Variants in DNAAF5 observed in about 807,000 individuals in gnomAD.
DNAAF5 encodes the protein dynein axonemal assembly factor 5, also known as HEAT repeat containing 2.
DNAAF5 carries 64 observed loss-of-function variants against 75.8 expected under a neutral mutation model. The observed-to-expected ratio is 0.84, with a 90% confidence interval of 0.69 to 1.04. The LOEUF is 1.04. Among genes scored for constraint, DNAAF5 ranks in the 50% least tolerant of loss-of-function variants. DNAAF5 has a pLI of 0.00. For synonymous variants in DNAAF5, 657 were observed against 557.2 expected, an observed-to-expected ratio of 1.18 and a Z score of -2.52; for missense variants, 1,269 against 1,178.5, an observed-to-expected ratio of 1.08 and a Z score of -1.12.
At chr7:785,046 C>G (rs913436826) in intron 12 of DNAAF5, among the ~76,000 whole-genome samples, 1 of 152,142 alleles carries the variant, frequency 6.6e-6, no homozygotes, top group Non-Finnish European at 1.5e-5. Flanking sequence ...AGAGTGTCAG[C>G]TTACTTATAT....
chr7:771,529 T>A (rs961601980), intron 9 of DNAAF5: 1 of 152,262 alleles, frequency 6.6e-6, no homozygotes, highest in Non-Finnish European at 1.5e-5. Flanking sequence ...CTCAGACTTT[T>A]CTCCTTCATG....
intron 2 of DNAAF5, chr7:732,504 A>G: frequency 2.2e-6 from 1 of 455,882 alleles, no homozygotes; most frequent in South Asian, 1.6e-5. Flanking sequence ...TGAGGCCACC[A>G]GGCCTGTTCT....
Position 740,848 on chromosome 7 carries a change from C to A in DNAAF5, c.810C>A (p.Gly270=). ...QVRRAVASVV[G]GWLLCLRDRY... Reference sequence around the variant, plus strand: ...GGCGGGCGGTGGCCTCCGTGGTGGGCGGCTGGCTGCTGTGTCTGCGTGACC... The same window carrying A: ...GGCGGGCGGTGGCCTCCGTGGTGGGAGGCTGGCTGCTGTGTCTGCGTGACC... Residue 270 remains glycine, a synonymous_variant, in exon 3 of 13, where the codon GGC becomes GGA. Coordinates refer to ENST00000297440, the MANE Select transcript of DNAAF5 (RefSeq NM_017802.4). The A allele has an allele frequency of 6.2e-7, 1 of 1,613,980 alleles. No individual in the cohort carries two copies. The highest frequency in any genetic ancestry group is 8.5e-7 in the Non-Finnish European group (1 of 1,180,034).
At chr7:767,591 G>A (rs1247628239) in intron 8 of DNAAF5, among the ~76,000 whole-genome samples, 2 of 152,226 alleles carry the variant, frequency 1.3e-5, no homozygotes, top group Non-Finnish European at 1.5e-5. Context: ...ATTATCCTAA[G>A]CCTTTATAGC....
In DNAAF5 at chr7:754,066, G is replaced by A. The variant is rs935038739; in HGVS notation, c.1025-523G>A. Among the ~76,000 whole-genome samples, 2 of 144,730 alleles carry A rather than the reference G, an allele frequency of 1.4e-5. No homozygotes were observed. The highest frequency in any genetic ancestry group is 3.0e-5 in the Non-Finnish European group (2 of 65,644). The allele number at this position is 144,730 out of a possible 152,430, so 94.9% of individuals were successfully genotyped here. A position where few individuals can be genotyped will look rare whatever the true frequency, so the allele number is the denominator to read the frequency against. ...CATATGGCGATGGCTTCGCAGGCGT[G>A]TGTCTCTCTGATCATAGGGGGACGG... is the stretch of plus-strand genomic sequence containing the variant. On this transcript the variant is annotated intron_variant, in intron 4 of 12. Coordinates refer to ENST00000297440, the MANE Select transcript of DNAAF5 (RefSeq NM_017802.4). The surrounding 1 kb of genome is among the most constrained non-coding windows in gnomAD (Gnocchi z 4.8).
Position 769,145 on chromosome 7 carries a change from C to G in DNAAF5, c.1784-1326C>G, listed in dbSNP as rs745882435. On this transcript the variant is annotated intron_variant, in intron 8 of 12. Coordinates refer to ENST00000297440, the MANE Select transcript of DNAAF5 (RefSeq NM_017802.4). ...TCAGTCCACTACCGAGCAGCCTGCT[C>G]TGATGACTGGCGGCGCCAGGGAGAA... is the stretch of plus-strand genomic sequence containing the variant. 4.3e-4 allele frequency: 333 copies of G among 771,844 alleles called. 2 individuals are homozygous for G. Among genetic ancestry groups the G allele is most frequent in the Admixed American group, 7.4e-4 (43 of 58,458 alleles). 47.8% of individuals were successfully genotyped at this position (771,844 alleles called of 1,614,324 possible). A position where few individuals can be genotyped will look rare whatever the true frequency, so the allele number is the denominator to read the frequency against.
At chr7:755,985 A>G (rs1782468006) in intron 5 of DNAAF5, among the ~76,000 whole-genome samples, 1 of 117,948 alleles carries the variant, frequency 8.5e-6, no homozygotes, top group Non-Finnish European at 1.8e-5. Flanking sequence ...GTGGAATCCC[A>G]CAGTGCAGAG....
rs748404959 is a variant in DNAAF5, at chr7:754,795, G to A, written c.1231G>A (p.Asp411Asn). 97 of 1,606,986 alleles carry A rather than the reference G, an allele frequency of 6.0e-5. 2 individuals carry two copies. Among genetic ancestry groups the A allele is most frequent in the South Asian group, 1.9e-4 (17 of 90,876 alleles). Residue 411 changes from aspartate (D) to asparagine (N), a missense_variant, in exon 5 of 13, where the codon GAC becomes AAC. Asp to Asn is a conservative substitution (Grantham distance 23, BLOSUM62 1). Transcript: ENST00000297440. This position sits in a 1 kb window ranked among gnomAD's most constrained non-coding sequence, Gnocchi z 4.8. ...CCGGACCCTGTTCCAGGCCTGCACC[G>A]ACGAGGAGGCAGCCGTGGTCCAAAG... ...VLRTLFQACT[D>N]EEAAVVQSCT... is the part of the protein sequence containing the mutation.
At chr7:731,831 G>T (rs998690482) in intron 2 of DNAAF5, among the ~76,000 whole-genome samples, 1 of 152,072 alleles carries the variant, frequency 6.6e-6, no homozygotes. Flanking sequence ...CGTGAGTTTC[G>T]TGTGGAGTCA....
chr7:783,724 C>A (rs1300701229), intron 12 of DNAAF5, among the ~76,000 whole-genome samples: 3 of 152,214 alleles, frequency 2.0e-5, no homozygotes, highest in African/African-American at 7.2e-5. Context: ...CCCCCAGCTC[C>A]CCACACTCCC....
At chr7:731,426 C>G (rs887930423) in intron 2 of DNAAF5, among the ~76,000 whole-genome samples, 5 of 152,196 alleles carry the variant, frequency 3.3e-5, no homozygotes, top group African/African-American at 1.2e-4. Flanking sequence ...CTCAGTATAA[C>G]TATACCGTAA....
chr7:748,451 A>C (rs945361249), intron 4 of DNAAF5, among the ~76,000 whole-genome samples: 2 of 152,158 alleles, frequency 1.3e-5, no homozygotes, highest in African/African-American at 4.8e-5. Context: ...CAGAACTGCC[A>C]TCCATTAAAT....
chr7:781,875 T>C (rs1014843157), intron 12 of DNAAF5, among the ~76,000 whole-genome samples: 12 of 152,236 alleles, frequency 7.9e-5, no homozygotes, highest in Non-Finnish European at 1.6e-4. Context: ...GCTCCTCATA[T>C]ATTCCAGTGA....
intron 11 of DNAAF5, 38 bp from the exon 12 acceptor site, chr7:779,915 C>G (rs751130888): frequency 3.2e-6 from 5 of 1,575,724 alleles, no homozygotes; most frequent in Non-Finnish European, 4.3e-6. Context: ...GAAATGTCTG[C>G]TCTAGACTCA....
intron 3 of DNAAF5, 44 bp from the exon 4 acceptor site, chr7:741,303 C>A (rs932264902): frequency 1.4e-6 from 2 of 1,457,220 alleles, no homozygotes; most frequent in Non-Finnish European, 1.9e-6. Flanking sequence ...GCCTCCCCTG[C>A]GTGCCCTGCC....
chr7:748,634 C>G (rs1038745130), intron 4 of DNAAF5, among the ~76,000 whole-genome samples: 9 of 152,092 alleles, frequency 5.9e-5, no homozygotes, highest in Admixed American at 5.9e-4. Flanking sequence ...TTCCTCCTGC[C>G]CCCTACCACA....
chr7:755,748 C>A (rs1041490459), intron 5 of DNAAF5, among the ~76,000 whole-genome samples: 1 of 152,180 alleles, frequency 6.6e-6, no homozygotes, highest in African/African-American at 2.4e-5. Context: ...ACAAAAAAAT[C>A]TAAATCATTG....
intron 1 of DNAAF5, 51 bp downstream of exon 1, chr7:727,366 ACCTCCACCTCCGCGGC>A: frequency 1.4e-6 from 1 of 732,490 alleles, no homozygotes; most frequent in African/African-American, 5.7e-5. Flanking sequence ...TCTCACCCCC[ACCTCCACCTCCGCGGC>A]CCCTCTCACA....
At chr7:783,021 C>A (rs73260319) in intron 12 of DNAAF5, among the ~76,000 whole-genome samples, 4 of 152,252 alleles carry the variant, frequency 2.6e-5, no homozygotes, top group African/African-American at 9.6e-5. Context: ...CAGAAGAGTC[C>A]GGCTTGTGGT....
Sources: gnomAD v4.1 joint callset for allele counts (sites outside exome capture counted in the v4.1 genomes callset) on GRCh38, gnomAD v4.1.1 for gene constraint, Gnocchi (gnomAD v3.1) non-coding constraint, MANE v1.5 for transcripts, NCBI Gene and HGNC (gene_info 2026-07-23, HGNC 2026-07-21) for gene names.